SGPP2: variants seen among roughly 807,000 people sequenced by gnomAD.
SGPP2 encodes sphingosine-1-phosphate phosphatase 2.
SGPP2 carries 30 observed loss-of-function variants against 33.9 expected under a neutral mutation model. The observed-to-expected ratio is 0.89, with a 90% CI of 0.66 to 1.20. The LOEUF is 1.20. SGPP2 is among the 50% of genes most tolerant of loss of function. The probability of loss-of-function intolerance (pLI) is 0.00; values close to 1 mark genes in which losing one functional copy is unlikely to be tolerated. For missense variants in SGPP2, 458 were observed against 532.1 expected (o/e 0.86, Z 1.37); for synonymous variants, 233 against 225.0 (o/e 1.04, Z -0.32).
chr2:222,553,289 T>C (rs1413546015), intron 4 of SGPP2, among the ~76,000 whole-genome samples: 2 of 152,250 alleles, frequency 1.3e-5, no homozygotes, highest in African/African-American at 4.8e-5. Flanking sequence ...ATGGAAGCGA[T>C]TAAAGTGTGC....
rs532542359 is a variant in SGPP2, at chr2:222,473,690, C to T, written c.220-878C>T. Among the ~76,000 whole-genome samples the T allele has an allele frequency of 8.5e-5, 13 of 152,168 alleles. No homozygotes were observed. The East Asian group carries it at 1.4e-3, about 16-fold the overall frequency. On this transcript the variant is annotated intron_variant, in intron 1 of 4. Transcript: ENST00000321276. ...CCGTAATCCCAGCACTTTGGGAGGC[C>T]GAGGTGGGTGGATCACCTGAGGTTG...
chr2:222,527,926 C>A (rs1698784134), intron 4 of SGPP2, among the ~76,000 whole-genome samples: 1 of 152,112 alleles, frequency 6.6e-6, no homozygotes, highest in Non-Finnish European at 1.5e-5. Context: ...GATCTGGGAG[C>A]TCTTGTGGTA....
At chr2:222,424,485 G>A (rs1697026630), upstream of SGPP2, 9 of 653,722 alleles carry the variant, frequency 1.4e-5, no homozygotes, top group Non-Finnish European at 1.8e-5. Context: ...CCGGGGCCCC[G>A]CCCGCCCGGC....
chr2:222,477,197 G>T lies in SGPP2; in HGVS notation c.378+2471G>T, dbSNP rs1057502851. On this transcript the variant is annotated intron_variant, in intron 2 of 4. Transcript: ENST00000321276. This position sits in a 1 kb window ranked among gnomAD's most constrained non-coding sequence, Gnocchi z 6.0. ...TGTATATGTGTATGTGTGTATATAT[G>T]TGTGTGCATAGGTGCATATATATGT... 6.6e-6 allele frequency among the ~76,000 whole-genome samples: 1 copy of T among 151,508 alleles called. No individual in the cohort carries two copies. The highest frequency in any genetic ancestry group is 2.1e-4 in the South Asian group (1 of 4,814).
At chr2:222,511,232 T>C (rs188288180) in intron 2 of SGPP2, among the ~76,000 whole-genome samples, 2 of 152,340 alleles carry the variant, frequency 1.3e-5, no homozygotes, top group African/African-American at 2.4e-5. Context: ...AAGTTTCATA[T>C]TGACCGCATT....
At chr2:222,426,289 G>A (rs1372042988) in intron 1 of SGPP2, among the ~76,000 whole-genome samples, 3 of 150,918 alleles carry the variant, frequency 2.0e-5, no homozygotes, top group East Asian at 1.9e-4. Context: ...GAAACGTGCC[G>A]TGACATATTC....
chr2:222,537,606 A>G (rs1471064264), intron 4 of SGPP2, among the ~76,000 whole-genome samples: 1 of 152,232 alleles, frequency 6.6e-6, no homozygotes, highest in African/African-American at 2.4e-5. Context: ...GAGTAAAGGA[A>G]CATTCTCATT....
At chr2:222,498,619 C>T (rs1375282190) in intron 2 of SGPP2, among the ~76,000 whole-genome samples, 2 of 151,804 alleles carry the variant, frequency 1.3e-5, no homozygotes, top group African/African-American at 4.8e-5. Flanking sequence ...GTTAAGCTGC[C>T]AGATACTGTT....
Position 222,517,279 on chromosome 2 carries a change from C to T in SGPP2, c.379-4488C>T, listed in dbSNP as rs1311806640. Among the ~76,000 whole-genome samples the T allele has an allele frequency of 3.3e-5, 5 of 152,306 alleles. No individual in the cohort carries two copies. The East Asian group carries it at 7.7e-4, about 23-fold the overall frequency. On this transcript the variant is annotated intron_variant, in intron 2 of 4. Coordinates refer to ENST00000321276, the MANE Select transcript of SGPP2 (RefSeq NM_152386.4). ...CCCCCCTATCCTGTACCCATATAAA[C>T]CCCAAATCCCAGACTCCACAGGCAG...
At chr2:222,498,062 C>T (rs1698308533) in intron 2 of SGPP2, among the ~76,000 whole-genome samples, 1 of 152,114 alleles carries the variant, frequency 6.6e-6, no homozygotes, top group Admixed American at 6.5e-5. Context: ...AGACCACAGG[C>T]TCCTGAGTTA....
rs1188938245 is a variant in SGPP2 at position 222,561,163 on chromosome 2, A to G, written c.*2265A>G. ...TGTTTTTACTTAAAATTCTTCTCAT[A>G]TTTATTATAGTTAGAAGGCAAAGAT... On this transcript the variant is annotated 3_prime_UTR_variant, in exon 5 of 5. Transcript: ENST00000321276. Among the ~76,000 whole-genome samples, 1 of 151,820 alleles carries G rather than the reference A, an allele frequency of 6.6e-6. No individual in the cohort carries two copies. Among genetic ancestry groups the G allele is most frequent in the East Asian group, 1.9e-4 (1 of 5,188 alleles).
chr2:222,425,864 T>C (rs1246717347), intron 1 of SGPP2, among the ~76,000 whole-genome samples: 3 of 152,162 alleles, frequency 2.0e-5, no homozygotes, highest in African/African-American at 7.2e-5. Context: ...AATGGAATAT[T>C]ATAGGCATTG....
intron 1 of SGPP2, among the ~76,000 whole-genome samples, chr2:222,435,029 T>TATATATATGTGTATATACACAC (rs1697217128): frequency 8.1e-5 from 2 of 24,744 alleles, no homozygotes; most frequent in African/African-American, 2.6e-4. Flanking sequence ...TATATGTGTG[T>TATATATATGTGTATATACACAC]ATATATATGT....
intron 4 of SGPP2, among the ~76,000 whole-genome samples, chr2:222,539,399 A>C (rs944668941): frequency 1.3e-5 from 2 of 152,250 alleles, no homozygotes; most frequent in African/African-American, 4.8e-5. Flanking sequence ...GTATTTAAGC[A>C]AAATGGAATT....
intron 1 of SGPP2, among the ~76,000 whole-genome samples, chr2:222,428,780 G>GTT (rs1697109135): frequency 7.5e-6 from 1 of 132,584 alleles, no homozygotes. Context: ...AAAAAACATG[G>GTT]TTTTCTTTTT....
chr2:222,449,663 G>A (rs985016426), intron 1 of SGPP2, among the ~76,000 whole-genome samples: 2 of 152,114 alleles, frequency 1.3e-5, no homozygotes, highest in African/African-American at 4.8e-5. Context: ...TAGAGATGGG[G>A]TTTCACCATG....
At chr2:222,430,662 A>G (rs1218910290) in intron 1 of SGPP2, among the ~76,000 whole-genome samples, 1 of 152,206 alleles carries the variant, frequency 6.6e-6, no homozygotes, top group African/African-American at 2.4e-5. Flanking sequence ...ACTTCCTTCC[A>G]AAAAGTGCGA....
intron 1 of SGPP2, among the ~76,000 whole-genome samples, chr2:222,430,012 A>G (rs1215747664): frequency 6.6e-6 from 1 of 152,234 alleles, no homozygotes; most frequent in African/African-American, 2.4e-5. Flanking sequence ...GACAGTCCTC[A>G]GACTTAGAGA....
chr2:222,435,028 G>GTATATATATGTGTATATATACACATA (rs71053083), intron 1 of SGPP2, among the ~76,000 whole-genome samples: 28 of 140,572 alleles, frequency 2.0e-4, no homozygotes, highest in Admixed American at 5.6e-4. Flanking sequence ...GTATATGTGT[G>GTATATATATGTGTATATATACACATA]TATATATATG....
Sources: gnomAD v4.1 joint callset for allele counts (sites outside exome capture counted in the v4.1 genomes callset) on GRCh38, gnomAD v4.1.1 for gene constraint, Gnocchi (gnomAD v3.1) non-coding constraint, MANE v1.5 for transcripts, NCBI Gene and HGNC (gene_info 2026-07-23, HGNC 2026-07-21) for gene names.